The following KCP variants were observed in gnomAD, a reference collection of about 807,000 sequenced individuals.
KCP encodes kielin cysteine rich BMP regulator.
In KCP, 194 loss-of-function variants were observed where a neutral mutation model predicts 212.7. The observed-to-expected ratio is 0.91, with a 90% CI of 0.81 to 1.03. The LOEUF (loss-of-function observed/expected upper bound fraction) is 1.03, where lower values mean the gene tolerates loss of function less well. Ranked by LOEUF, KCP falls within the 50% of genes least tolerant of loss-of-function variation. KCP has a pLI of 0.00. For missense variants in KCP, 2,080 were observed against 2,162.5 expected (o/e 0.96, Z 0.76); for synonymous variants, 833 against 865.3 (o/e 0.96, Z 0.65).
rs1794363634 is a variant in KCP at position 128,894,067 on chromosome 7, G to T, written c.926-12C>A. 15 of 1,547,688 alleles carry T rather than the reference G, an allele frequency of 9.7e-6. No individual in the cohort carries two copies. Among genetic ancestry groups the T allele is most frequent in the African/African-American group, 1.4e-5 (1 of 72,986 alleles). On this transcript the variant is annotated splice_polypyrimidine_tract_variant and intron_variant, in intron 9 of 39. Coordinates refer to ENST00000610776, the MANE Select transcript of KCP (RefSeq NM_001366122.1). The stretch of plus-strand genomic sequence containing the variant: ...GTTTAGGAAACAGCCTGTTGGGAAG[G>T]GGGGCCTTAGATGTTCCTCAGGGGC...
At chr7:128,903,905 G>C (rs1794988571) in intron 6 of KCP, 85 bp from the exon 7 acceptor site, 1 of 1,384,056 alleles carries the variant, frequency 7.2e-7, no homozygotes, top group African/African-American at 1.4e-5. Context: ...CTCGGAGGAG[G>C]GGGGCACAGG....
At chr7:128,883,172 GCT>G (rs1563022788) in intron 29 of KCP, among the ~76,000 whole-genome samples, 1 of 145,112 alleles carries the variant, frequency 6.9e-6, no homozygotes, top group African/African-American at 2.6e-5. Flanking sequence ...ACAGAATCTC[GCT>G]CTGTTGCCAG....
rs1284852172 is a variant in KCP, at chr7:128,891,100, C to A, written c.1973-4G>T. On this transcript the variant is annotated splice_region_variant and splice_polypyrimidine_tract_variant and intron_variant, in intron 19 of 39. Coordinates refer to ENST00000610776, the MANE Select transcript of KCP (RefSeq NM_001366122.1). Reference sequence around the variant, plus strand: ...CAGCCGGCGGGGGCTGGGGCGGCTGCGGCGAGACAGCGCATCAAAGGGGCC... The same window carrying A: ...CAGCCGGCGGGGGCTGGGGCGGCTGAGGCGAGACAGCGCATCAAAGGGGCC... 11 of 1,456,014 alleles carry A rather than the reference C, an allele frequency of 7.6e-6. No individual in the cohort carries two copies. Among genetic ancestry groups the A allele is most frequent in the South Asian group, 1.4e-5 (1 of 72,512 alleles). The allele number at this position is 1,456,014 out of a possible 1,614,324, so 90.2% of individuals were successfully genotyped here.
Position 128,886,979 on chromosome 7 carries a change from G to A in KCP, c.2599-13C>T, listed in dbSNP as rs1267540414. 6 of 1,393,760 alleles carry A rather than the reference G, an allele frequency of 4.3e-6. No homozygotes were observed. In the Admixed American group the frequency reaches 1.0e-4, roughly 24 times the overall value. 86.3% of individuals were successfully genotyped at this position (1,393,760 alleles called of 1,614,324 possible). ...GCATGGAACCTTCCTGGGGGAGAGA[G>A]GCCCATCACACCCTCAACTGGACTG... is the stretch of plus-strand genomic sequence containing the variant. On this transcript the variant is annotated splice_polypyrimidine_tract_variant and intron_variant, in intron 23 of 39. Coordinates refer to ENST00000610776, the MANE Select transcript of KCP (RefSeq NM_001366122.1).
chr7:128,906,859 T>C (rs954619943), intron 4 of KCP, among the ~76,000 whole-genome samples: 4 of 151,662 alleles, frequency 2.6e-5, no homozygotes, highest in South Asian at 2.1e-4. Context: ...ACCAACCTAA[T>C]ACATTCTCTG....
In KCP at chr7:128,887,893, G is replaced by A. The variant is rs116923606; in HGVS notation, c.2513-593C>T. On this transcript the variant is annotated intron_variant, in intron 22 of 39. Transcript: ENST00000610776. Reference sequence around the variant, plus strand: ...GCCACACAAACATACACATAGCCACGCACACACATACACATACACACCCAC... The same window carrying A: ...GCCACACAAACATACACATAGCCACACACACACATACACATACACACCCAC... Among the ~76,000 whole-genome samples, 20 of 97,630 alleles carry A rather than the reference G, an allele frequency of 2.0e-4. No homozygotes were observed. In the East Asian group the frequency reaches 2.4e-3, roughly 12 times the overall value. 64.0% of individuals were successfully genotyped at this position (97,630 alleles called of 152,430 possible).
chr7:128,883,264 C>T (rs921452754), intron 29 of KCP, among the ~76,000 whole-genome samples: 5 of 151,760 alleles, frequency 3.3e-5, no homozygotes, highest in East Asian at 3.9e-4. Flanking sequence ...CTCAGCCTCC[C>T]GAGTAGCTGG....
intron 8 of KCP, among the ~76,000 whole-genome samples, chr7:128,901,538 A>G (rs1794843758): frequency 6.6e-6 from 1 of 152,066 alleles, no homozygotes; most frequent in Admixed American, 6.5e-5. Flanking sequence ...AGGCAGGAGA[A>G]TGGCGTGAAC....
chr7:128,886,376 G>C, intron 26 of KCP, 88 bp downstream of exon 26: 1 of 1,121,998 alleles, frequency 8.9e-7, no homozygotes, highest in South Asian at 1.6e-5. Context: ...GGTGGGAGAA[G>C]AGCTGGCTGA....
intron 20 of KCP, 73 bp from the exon 21 acceptor site, chr7:128,890,586 A>G (rs1585218922): frequency 8.4e-6 from 6 of 712,478 alleles, no homozygotes; most frequent in South Asian, 9.6e-5. Context: ...CGTGGGGTTG[A>G]GGGGCGTGGA....
intron 22 of KCP, among the ~76,000 whole-genome samples, chr7:128,888,069 CACAAAT>C (rs1793807929): frequency 7.1e-6 from 1 of 140,898 alleles, no homozygotes; most frequent in Non-Finnish European, 1.5e-5. Context: ...CATACACAGA[CACAAAT>C]ACAGACACAC....
Position 128,891,770 on chromosome 7 carries a change from G to T in KCP, c.1671C>A (p.His557Gln). 1 of 1,450,458 alleles carries T rather than the reference G, an allele frequency of 6.9e-7. No individual in the cohort carries two copies. The highest frequency in any genetic ancestry group is 9.1e-7 in the Non-Finnish European group (1 of 1,099,534). 89.8% of individuals were successfully genotyped at this position (1,450,458 alleles called of 1,614,324 possible). A position where few individuals can be genotyped will look rare whatever the true frequency, so the allele number is the denominator to read the frequency against. Residue 557 changes from histidine to glutamine, a missense_variant, in exon 17 of 40, where the codon CAC (histidine) becomes CAA (glutamine). Transcript: ENST00000610776. ...EVFVDGESFSHPRDPCQECRC... is the reference protein window; with the variant it reads ...EVFVDGESFSQPRDPCQECRC... ...GGCACTCCTGGCAGGGGTCTCGGGG[G>T]TGGGAGAAGCTCTCGCCGTCCACAA... is the stretch of plus-strand genomic sequence containing the variant.
At chr7:128,878,904 G>C in intron 37 of KCP, 182 bp from the exon 38 acceptor site, 1 of 584,958 alleles carries the variant, frequency 1.7e-6, no homozygotes, top group Non-Finnish European at 2.9e-6. Flanking sequence ...GATACATTCT[G>C]TGCCAGCCCT....
At chr7:128,880,152 A>G in intron 34 of KCP, 67 bp from the exon 35 acceptor site, 1 of 1,444,652 alleles carries the variant, frequency 6.9e-7, no homozygotes, top group Non-Finnish European at 9.2e-7. Flanking sequence ...AGACCCTCCC[A>G]GAAAACCAAG....
intron 19 of KCP, 34 bp from the exon 20 acceptor site, chr7:128,891,130 A>T: frequency 4.6e-6 from 7 of 1,528,838 alleles, no homozygotes; most frequent in Non-Finnish European, 6.1e-6. Flanking sequence ...GGGGCCCAGG[A>T]ACAGGCCTCC....
In KCP at chr7:128,902,867, T is replaced by C. The variant is rs771621825; in HGVS notation, c.749-8A>G. On this transcript the variant is annotated splice_polypyrimidine_tract_variant and splice_region_variant and intron_variant, in intron 7 of 39. Coordinates refer to ENST00000610776, the MANE Select transcript of KCP (RefSeq NM_001366122.1). ...AGCCACCTTCTGTGCAGCCTAGGGT[T>C]GAGGGGTTGAGAAGAGGGAGGCCTG... 32 of 1,550,342 alleles carry C rather than the reference T, an allele frequency of 2.1e-5. No homozygotes were observed. In the Middle Eastern group the frequency reaches 6.7e-4, roughly 32 times the overall value.
At position 128,903,826 on chromosome 7, in the gene KCP, A is replaced by G; in HGVS notation, c.655-6T>C. 7.4e-7 allele frequency: 1 copy of G among 1,358,560 alleles called. No individual in the cohort carries two copies. Among genetic ancestry groups the G allele is most frequent in the Admixed American group, 2.3e-5 (1 of 43,606 alleles). 84.2% of individuals were successfully genotyped at this position (1,358,560 alleles called of 1,614,324 possible). ...ATGCAGCGAACTCGGCTCCTCTGTA[A>G]TGCACCAGTGGCTGTGAGGCTTCAG... On this transcript the variant is annotated splice_polypyrimidine_tract_variant and splice_region_variant and intron_variant, in intron 6 of 39. Coordinates refer to ENST00000610776, the MANE Select transcript of KCP (RefSeq NM_001366122.1).
At chr7:128,884,893 C>A in intron 27 of KCP, 30 bp from the exon 28 acceptor site, 1 of 1,546,702 alleles carries the variant, frequency 6.5e-7, no homozygotes, top group Non-Finnish European at 8.7e-7. Context: ...CAGAACGGGA[C>A]CAGGGGTCCT....
At chr7:128,902,062 A>G (rs923641079) in intron 8 of KCP, among the ~76,000 whole-genome samples, 1 of 152,186 alleles carries the variant, frequency 6.6e-6, no homozygotes, top group African/African-American at 2.4e-5. Context: ...GCAAATGTTA[A>G]TGTTTTTTAA....
Sources: allele counts gnomAD v4.1 joint callset (sites outside exome capture counted in the v4.1 genomes callset), GRCh38; gene constraint gnomAD v4.1.1; transcripts MANE v1.5; gene names NCBI Gene and HGNC (gene_info 2026-07-23, HGNC 2026-07-21).